The following SORCS2 variants were observed in gnomAD, a reference collection of about 807,000 sequenced individuals.
The protein encoded by SORCS2 is VPS10 domain-containing receptor SorCS2.
SORCS2 carries 100 observed loss-of-function variants against 141.6 expected under a neutral mutation model. That is an observed-to-expected ratio of 0.71 (90% confidence interval 0.60 to 0.83). The LOEUF is 0.83. Ranked by LOEUF, SORCS2 falls within the 40% of genes least tolerant of loss-of-function variation. The probability of loss-of-function intolerance (pLI) is 0.00; values close to 1 mark genes in which losing one functional copy is unlikely to be tolerated. For missense variants in SORCS2, 1,646 were observed against 1,560.2 expected (o/e 1.05, Z -0.93); for synonymous variants, 789 against 676.9 (o/e 1.17, Z -2.57).
At chr4:7,679,615 C>T (rs1202664683) in intron 9 of SORCS2, among the ~76,000 whole-genome samples, 1 of 152,170 alleles carries the variant, frequency 6.6e-6, no homozygotes, top group Non-Finnish European at 1.5e-5. Flanking sequence ...GCTGGAGGCG[C>T]GGAGGTGGAA....
intron 12 of SORCS2, among the ~76,000 whole-genome samples, chr4:7,702,831 T>G (rs1020603859): frequency 1.3e-5 from 2 of 152,236 alleles, no homozygotes; most frequent in Non-Finnish European, 2.9e-5. Flanking sequence ...CAGAGGCCAC[T>G]CCCCACTCAG....
chr4:7,678,952 T>C (rs1180485546), intron 9 of SORCS2, among the ~76,000 whole-genome samples: 1 of 152,160 alleles, frequency 6.6e-6, no homozygotes, highest in Non-Finnish European at 1.5e-5. Context: ...AAGGCTGTCA[T>C]TCCTATTAAA....
rs774378561 is a variant in SORCS2 at position 7,714,221 on chromosome 4, C to T, written c.1990-19C>T. On this transcript the variant is annotated intron_variant, in intron 15 of 26. Coordinates refer to ENST00000507866, the MANE Select transcript of SORCS2 (RefSeq NM_020777.3). ...TGCCCTGTCTCAGGCAGCTCCTTAC[C>T]CTGATGTTCCTGCTGCAGGGCGACC... 3.1e-6 allele frequency: 5 copies of T among 1,606,602 alleles called. No individual in the cohort carries two copies. Among genetic ancestry groups the T allele is most frequent in the Admixed American group, 3.4e-5 (2 of 59,388 alleles).
chr4:7,711,384 C>G (rs737032), intron 14 of SORCS2, among the ~76,000 whole-genome samples: 66,871 of 152,060 alleles, frequency 0.44, 15,271 homozygotes, highest in East Asian at 0.66. Context: ...TTCAGCTCAT[C>G]ATGGGCCACC....
intron 3 of SORCS2, 68 bp from the exon 4 acceptor site, chr4:7,638,260 C>T: frequency 3.4e-6 from 5 of 1,478,676 alleles, no homozygotes; most frequent in African/African-American, 1.5e-5. Context: ...CCAGGCCTCA[C>T]AACACCTTTC....
intron 1 of SORCS2, among the ~76,000 whole-genome samples, chr4:7,388,535 C>G (rs947333279): frequency 6.6e-6 from 1 of 152,170 alleles, no homozygotes; most frequent in Admixed American, 6.5e-5. Context: ...CCCAGTCTCC[C>G]TCCTGTTATC....
intron 2 of SORCS2, among the ~76,000 whole-genome samples, chr4:7,522,356 C>T (rs899595624): frequency 1.3e-5 from 2 of 152,194 alleles, no homozygotes; most frequent in African/African-American, 2.4e-5. Flanking sequence ...GTTAAGCAGC[C>T]GATTTGCAGA....
intron 1 of SORCS2, among the ~76,000 whole-genome samples, chr4:7,387,500 CAA>C (rs1176784394): frequency 2.6e-5 from 4 of 151,212 alleles, no homozygotes; most frequent in Admixed American, 2.6e-4. Context: ...CACATGCACA[CAA>C]ATACAGGTAC....
chr4:7,328,018 CTTTT>C (rs60976971), intron 1 of SORCS2, among the ~76,000 whole-genome samples: 118 of 88,718 alleles, frequency 1.3e-3, no homozygotes, highest in African/African-American at 4.7e-3. Context: ...TCGTGCTAGG[CTTTT>C]TTTTTTTTTT....
chr4:7,391,637 C>T (rs138536596), intron 1 of SORCS2, among the ~76,000 whole-genome samples: 1 of 152,150 alleles, frequency 6.6e-6, no homozygotes, highest in African/African-American at 2.4e-5. Context: ...AGGCCCTTCC[C>T]TGGAATAAAG....
Position 7,703,318 on chromosome 4 carries a change from C to T in SORCS2, c.1707C>T (p.His569=), listed in dbSNP as rs148375140. 3,225 of 1,613,342 alleles carry T rather than the reference C, an allele frequency of 2.0e-3. 44 individuals are homozygous for T. The African/African-American group carries it at 0.029, about 15-fold the overall frequency. Residue 569 remains histidine, a synonymous_variant, in exon 13 of 27, where the codon CAC becomes CAT. Coordinates refer to ENST00000507866, the MANE Select transcript of SORCS2 (RefSeq NM_020777.3). ...EEEHHILYLD[H]GGVIVAIKDT... ...AGCATCACATCCTGTACCTGGACCA[C>T]GGCGGCGTGATCGTGGCCATCAAAG...
chr4:7,205,765 G>A (rs1469328305), intron 1 of SORCS2, among the ~76,000 whole-genome samples: 1 of 152,224 alleles, frequency 6.6e-6, no homozygotes, highest in Non-Finnish European at 1.5e-5. Flanking sequence ...CCCTGAGGCC[G>A]GACGCGGTGG....
At chr4:7,334,049 G>A (rs981984158) in intron 1 of SORCS2, among the ~76,000 whole-genome samples, 3 of 152,134 alleles carry the variant, frequency 2.0e-5, no homozygotes, top group South Asian at 2.1e-4. Context: ...CTGAGGCTCC[G>A]CGTCAACTCT....
intron 1 of SORCS2, among the ~76,000 whole-genome samples, chr4:7,304,039 G>A (rs550145673): frequency 6.6e-6 from 1 of 152,370 alleles, no homozygotes; most frequent in Middle Eastern, 3.4e-3. Flanking sequence ...ATGGAAACCC[G>A]ATGTGGAGTT....
At chr4:7,202,077 A>C (rs1379227497) in intron 1 of SORCS2, among the ~76,000 whole-genome samples, 1 of 150,502 alleles carries the variant, frequency 6.6e-6, no homozygotes, top group Non-Finnish European at 1.5e-5. Context: ...GGGGGTGGGG[A>C]ATGCCCTGTA....
At chr4:7,253,574 G>T (rs944263387) in intron 1 of SORCS2, among the ~76,000 whole-genome samples, 7 of 152,202 alleles carry the variant, frequency 4.6e-5, no homozygotes, top group African/African-American at 1.7e-4. Flanking sequence ...GGGGCAGGTG[G>T]CCAGGGCGCC....
At chr4:7,735,233 T>C (rs544354519) in intron 25 of SORCS2, among the ~76,000 whole-genome samples, 35 of 152,324 alleles carry the variant, frequency 2.3e-4, no homozygotes, top group South Asian at 1.2e-3. Context: ...GGGTCACCCT[T>C]GAGGATCATC....
intron 1 of SORCS2, among the ~76,000 whole-genome samples, chr4:7,227,892 G>A (rs1711533906): frequency 1.3e-5 from 2 of 152,170 alleles, no homozygotes; most frequent in South Asian, 4.1e-4. Flanking sequence ...TGGGCTCAGG[G>A]TGCCGGGGAG....
At chr4:7,688,811 G>C (rs757362615) in intron 10 of SORCS2, among the ~76,000 whole-genome samples, 1 of 152,272 alleles carries the variant, frequency 6.6e-6, no homozygotes, top group South Asian at 2.1e-4. Flanking sequence ...AGGAGGGCTC[G>C]GCCAGCCAGA....
Sources: allele counts gnomAD v4.1 joint callset (sites outside exome capture counted in the v4.1 genomes callset), GRCh38; gene constraint gnomAD v4.1.1; transcripts MANE v1.5; gene names NCBI Gene and HGNC (gene_info 2026-07-23, HGNC 2026-07-21).